NRXN3: variants seen among roughly 807,000 people sequenced by gnomAD.
NRXN3 encodes the protein neurexin 3.
Under a neutral mutation model 137.6 loss-of-function variants are expected in NRXN3, and 32 were observed. The ratio of observed to expected loss-of-function variants is 0.23; its 90% CI spans 0.18 to 0.31. NRXN3 has a LOEUF of 0.31. Among genes scored for constraint, NRXN3 ranks in the 10% least tolerant of loss-of-function variants. NRXN3 has a pLI of 1.00. For synonymous variants in NRXN3, 798 were observed against 784.5 expected, an observed-to-expected ratio of 1.02 and a Z score of -0.29; for missense variants, 1,574 against 2,062.5, an observed-to-expected ratio of 0.76 and a Z score of 4.59.
chr14:79,794,421 G>A (rs187517411), intron 19 of NRXN3, among the ~76,000 whole-genome samples: 21 of 152,012 alleles, frequency 1.4e-4, no homozygotes, highest in Non-Finnish European at 2.7e-4. Flanking sequence ...AGAGGTCTCC[G>A]GGTTGCCCTA....
chr14:79,501,412 T>C (rs2096825243), intron 16 of NRXN3, among the ~76,000 whole-genome samples: 2 of 152,154 alleles, frequency 1.3e-5, no homozygotes, highest in Non-Finnish European at 2.9e-5. Flanking sequence ...CCACTATGCA[T>C]CATCAGTTAA....
chr14:79,138,473 C>A (rs191839910), intron 15 of NRXN3, among the ~76,000 whole-genome samples: 1 of 152,290 alleles, frequency 6.6e-6, no homozygotes, highest in African/African-American at 2.4e-5. Flanking sequence ...CATGTATGTT[C>A]TGAAAGGCAC....
chr14:78,833,558 G>A (rs1263684902), intron 10 of NRXN3, among the ~76,000 whole-genome samples: 6 of 152,092 alleles, frequency 3.9e-5, no homozygotes, highest in Non-Finnish European at 7.4e-5. Context: ...AATAAGAAAA[G>A]CATCAAAAGA....
intron 16 of NRXN3, among the ~76,000 whole-genome samples, chr14:79,607,672 A>AGTT (rs1567646609): frequency 1.6e-5 from 2 of 122,824 alleles, no homozygotes; most frequent in Non-Finnish European, 1.7e-5. Flanking sequence ...GTTAATCTAC[A>AGTT]ATTTTTTTTT....
intron 15 of NRXN3, among the ~76,000 whole-genome samples, chr14:79,254,564 T>G (rs1050847588): frequency 2.6e-5 from 4 of 152,180 alleles, no homozygotes; most frequent in African/African-American, 9.6e-5. Flanking sequence ...TATGTTGACA[T>G]TGTGCTGAAC....
intron 15 of NRXN3, among the ~76,000 whole-genome samples, chr14:79,089,014 C>A (rs2048663966): frequency 6.6e-6 from 1 of 152,082 alleles, no homozygotes; most frequent in Non-Finnish European, 1.5e-5. Context: ...GCTAACAGAT[C>A]ACTCTCAGAT....
rs5809943 is a variant in NRXN3 at position 79,563,663 on chromosome 14, T to TAAAAAA, written c.3444+96272_3444+96277dup. Among the ~76,000 whole-genome samples the TAAAAAA allele has an allele frequency of 3.2e-3, 457 of 142,198 alleles. 3 individuals carry two copies. Among genetic ancestry groups the TAAAAAA allele is most frequent in the African/African-American group, 0.011 (431 of 38,214 alleles). The allele number at this position is 142,198 out of a possible 152,430, so 93.3% of individuals were successfully genotyped here. ...GGGATGAGCTTCCCACAAATAATGT[T>TAAAAAA]AAAAAAAAAAAAAAAAGGAGAAAGC... On this transcript the variant is annotated intron_variant, in intron 16 of 20. Transcript: ENST00000335750.
intron 4 of NRXN3, among the ~76,000 whole-genome samples, chr14:78,431,945 G>T (rs2093895955): frequency 6.6e-6 from 1 of 151,996 alleles, no homozygotes; most frequent in African/African-American, 2.4e-5. Flanking sequence ...AGGCAGAGTT[G>T]GGATTTGAAC....
chr14:78,602,465 C>A (rs920313391), intron 4 of NRXN3: 1 of 152,092 alleles, frequency 6.6e-6, no homozygotes, highest in African/African-American at 2.4e-5. Flanking sequence ...AGAGACTGAA[C>A]CCCTGGGAGA....
chr14:79,191,399 A>G (rs2064289881), intron 15 of NRXN3, among the ~76,000 whole-genome samples: 1 of 152,164 alleles, frequency 6.6e-6, no homozygotes, highest in South Asian at 2.1e-4. Flanking sequence ...CATCCTTTTG[A>G]AGGTGATGGC....
At chr14:78,452,725 C>T (rs1472531120) in intron 4 of NRXN3, among the ~76,000 whole-genome samples, 1 of 152,074 alleles carries the variant, frequency 6.6e-6, no homozygotes, top group Non-Finnish European at 1.5e-5. Context: ...TTTGGGTGCC[C>T]ACCCCAGCTT....
intron 6 of NRXN3, among the ~76,000 whole-genome samples, chr14:78,676,603 C>A (rs756950748): frequency 7.9e-5 from 12 of 152,044 alleles, no homozygotes; most frequent in African/African-American, 2.9e-4. Context: ...TGATATAGAA[C>A]CTGCAGCAAG....
chr14:78,791,206 A>C (rs2098804137), intron 8 of NRXN3, among the ~76,000 whole-genome samples: 1 of 152,134 alleles, frequency 6.6e-6, no homozygotes. Flanking sequence ...AGTTTTAGTT[A>C]TTTTCTATCT....
chr14:79,010,713 TATCA>T (rs1246906882), intron 15 of NRXN3, among the ~76,000 whole-genome samples: 16 of 152,344 alleles, frequency 1.1e-4, no homozygotes, highest in African/African-American at 3.8e-4. Flanking sequence ...TTGATTTTTA[TATCA>T]ATCTTTATGC....
At chr14:78,643,122 T>A (rs1254797146) in intron 4 of NRXN3, among the ~76,000 whole-genome samples, 1 of 152,204 alleles carries the variant, frequency 6.6e-6, no homozygotes, top group Non-Finnish European at 1.5e-5. Context: ...TTTAACAATA[T>A]GTAGTGGGTA....
At chr14:79,358,629 GAAAGAAAGAA>G (rs1040099526) in intron 15 of NRXN3, among the ~76,000 whole-genome samples, 1 of 148,392 alleles carries the variant, frequency 6.7e-6, no homozygotes, top group African/African-American at 2.5e-5. Flanking sequence ...AAGAAAGAAA[GAAAGAAAGAA>G]AGAAAGAAAG....
chr14:79,389,006 T>C (rs4903849), intron 15 of NRXN3, among the ~76,000 whole-genome samples: 110,072 of 152,082 alleles, frequency 0.72, 40,076 homozygotes, highest in Middle Eastern at 0.87. Context: ...GTGAGGCCTC[T>C]CCAGCTATGT....
intron 4 of NRXN3, among the ~76,000 whole-genome samples, chr14:78,535,123 G>C (rs1600082198): frequency 6.9e-6 from 1 of 145,678 alleles, no homozygotes; most frequent in African/African-American, 2.5e-5. Flanking sequence ...AAATGTTTCT[G>C]TCTTATCTTT....
rs142678692 is a variant in NRXN3, at chr14:78,889,592, A to C, written c.2276-67650A>C. On this transcript the variant is annotated intron_variant, in intron 10 of 20. Coordinates refer to ENST00000335750, the MANE Select transcript of NRXN3 (RefSeq NM_001330195.2). The stretch of plus-strand genomic sequence containing the variant: ...ATGTTCTAAAATTATATGTACATTT[A>C]CTTACTCAACACAAATTTAAAGAGT... Among the ~76,000 whole-genome samples, 748 of 152,136 alleles carry C rather than the reference A, an allele frequency of 4.9e-3. 4 individuals carry two copies. Among genetic ancestry groups the C allele is most frequent in the Non-Finnish European group, 7.3e-3 (493 of 67,944 alleles).
Sources: gnomAD v4.1 joint callset for allele counts (sites outside exome capture counted in the v4.1 genomes callset) on GRCh38, gnomAD v4.1.1 for gene constraint, MANE v1.5 for transcripts, NCBI Gene and HGNC (gene_info 2026-07-23, HGNC 2026-07-21) for gene names.